Variants in ANKLE1 observed in about 807,000 individuals in gnomAD.
The protein encoded by ANKLE1 is structure-specific endonuclease ANKLE1.
In ANKLE1, 59 loss-of-function variants were observed where a neutral mutation model predicts 56.2. The ratio of observed to expected loss-of-function variants is 1.05; its 90% CI spans 0.85 to 1.30. ANKLE1 has a LOEUF of 1.30. Among genes scored for constraint, ANKLE1 ranks in the 50% most tolerant of loss-of-function variants. The pLI is 0.00. For missense variants in ANKLE1, 771 were observed against 816.1 expected, an observed-to-expected ratio of 0.94 and a Z score of 0.67; for synonymous variants, 341 against 352.9, an observed-to-expected ratio of 0.97 and a Z score of 0.38.
chr19:17,283,144 T>A (rs2073993124), intron 4 of ANKLE1, 81 bp from the exon 5 acceptor site: 2 of 1,551,830 alleles, frequency 1.3e-6, no homozygotes, highest in East Asian at 4.5e-5. Flanking sequence ...GACACTCTGA[T>A]CTCCTTTTTC....
Position 17,286,713 on chromosome 19 carries a change from TAG to T in ANKLE1, c.*162_*163del. ...GTGTTTGTGTGTGTGTGTGTGTGTG[TAG>T]GGAGCACCCAGGCAGATCTCCCCCA... is the stretch of plus-strand genomic sequence containing the variant. On this transcript the variant is annotated 3_prime_UTR_variant, in exon 9 of 9. Transcript: ENST00000404085. The T allele has an allele frequency of 6.9e-7, 1 of 1,456,494 alleles. No homozygotes were observed. Among genetic ancestry groups the T allele is most frequent in the Non-Finnish European group, 9.1e-7 (1 of 1,103,514 alleles). The allele number at this position is 1,456,494 out of a possible 1,614,324, so 90.2% of individuals were successfully genotyped here.
chr19:17,284,674 G>T (rs1373273244), intron 6 of ANKLE1, among the ~76,000 whole-genome samples: 1 of 141,372 alleles, frequency 7.1e-6, no homozygotes, highest in African/African-American at 2.6e-5. Flanking sequence ...GTGAGCCACC[G>T]CACCGGCCTC....
At position 17,282,201 on chromosome 19, in the gene ANKLE1, C is replaced by T; in HGVS notation, c.207C>T (p.Pro69=). The T allele has an allele frequency of 6.6e-7, 1 of 1,510,600 alleles. No individual in the cohort carries two copies. The highest frequency in any genetic ancestry group is 8.8e-7 in the Non-Finnish European group (1 of 1,133,542). The allele number at this position is 1,510,600 out of a possible 1,614,324, so 93.6% of individuals were successfully genotyped here. A position where few individuals can be genotyped will look rare whatever the true frequency, so the allele number is the denominator to read the frequency against. Residue 69 remains proline (P), a synonymous_variant, in exon 2 of 9, where the codon CCC becomes CCT. Coordinates refer to ENST00000404085, the MANE Select transcript of ANKLE1 (RefSeq NM_152363.6). ...LGALLRQGGD[P]NARSVEALTP... ...CCCTACTGCGCCAAGGCGGGGACCC[C>T]AACGCTCGGTAAGATAGAGCCTGGG...
Position 17,282,986 on chromosome 19 carries a change from C to A in ANKLE1, c.444C>A (p.Pro148=), listed in dbSNP as rs750981620. The A allele has an allele frequency of 6.4e-7, 1 of 1,562,202 alleles. No individual in the cohort carries two copies. Among genetic ancestry groups the A allele is most frequent in the East Asian group, 2.3e-5 (1 of 42,592 alleles). Residue 148 remains proline (P), a synonymous_variant, in exon 4 of 9, where the codon CCC becomes CCA. Coordinates refer to ENST00000404085, the MANE Select transcript of ANKLE1 (RefSeq NM_152363.6). ...RTRIGAETQE[P]EPAPGTPGLS... Reference sequence around the variant, plus strand: ...GGATCGGGGCAGAGACTCAGGAGCCCGAGCCTGCACCTGGCAGTGAGTAGG... The same window carrying A: ...GGATCGGGGCAGAGACTCAGGAGCCAGAGCCTGCACCTGGCAGTGAGTAGG...
rs1255235604 is a variant in ANKLE1, at chr19:17,282,874, G to A, written c.332G>A (p.Arg111Gln). 8.2e-6 allele frequency: 13 copies of A among 1,584,152 alleles called. No homozygotes were observed. The highest frequency in any genetic ancestry group is 1.3e-5 in the African/African-American group (1 of 74,616). ...ACCGCGCCCCTGTAGGACGGACTCC[G>A]GCCGCTGGACCTGGCCCTGCAGCAG... ...DPALRDQDGL[R>Q]PLDLALQQGH... Residue 111 changes from arginine to glutamine, a missense_variant, in exon 4 of 9, where the codon CGG becomes CAG. Arg to Gln is a conservative substitution (Grantham distance 43). Transcript: ENST00000404085.
chr19:17,285,962 T>G (rs754086777), intron 8 of ANKLE1, 143 bp downstream of exon 8: 28 of 1,175,452 alleles, frequency 2.4e-5, no homozygotes, highest in Non-Finnish European at 1.5e-5. Context: ...TGCATGTATT[T>G]TGCTCCATTG....
At chr19:17,285,327 C>A in intron 6 of ANKLE1, 104 bp from the exon 7 acceptor site, 2 of 1,361,128 alleles carry the variant, frequency 1.5e-6, no homozygotes, top group Non-Finnish European at 2.0e-6. Context: ...ATCCTGTAAT[C>A]AGGAGTCACT....
chr19:17,286,682 GTGTGTGTGTT>G lies in ANKLE1; in HGVS notation c.*140_*149del, dbSNP rs748752438. 4,509 of 950,400 alleles carry G rather than the reference GTGTGTGTGTT, an allele frequency of 4.7e-3. 26 individuals carry two copies. In the East Asian group the frequency reaches 0.056, roughly 12 times the overall value. The allele number at this position is 950,400 out of a possible 1,614,324, so 58.9% of individuals were successfully genotyped here. A position where few individuals can be genotyped will look rare whatever the true frequency, so the allele number is the denominator to read the frequency against. ...TGTGTGTGTGTGTGTGTGTGTGTGT[GTGTGTGTGTT>G]TGTGTGTGTGTGTGTGTGTGTAGGG... On this transcript the variant is annotated 3_prime_UTR_variant, in exon 9 of 9. Transcript: ENST00000404085.
chr19:17,283,149 T>C, intron 4 of ANKLE1, 76 bp from the exon 5 acceptor site: 2 of 1,553,280 alleles, frequency 1.3e-6, no homozygotes, highest in Admixed American at 1.9e-5. Context: ...TCTGATCTCC[T>C]TTTTCTGTTT....
At chr19:17,285,623 C>G (rs2074023035) in intron 7 of ANKLE1, 33 bp downstream of exon 7, 2 of 1,613,894 alleles carry the variant, frequency 1.2e-6, no homozygotes, top group Non-Finnish European at 1.7e-6. Flanking sequence ...TCAGCGAGGG[C>G]AGTCGGGCCA....
chr19:17,282,349 T>TCCAAG (rs1262512422), intron 2 of ANKLE1, 140 bp downstream of exon 2: 1 of 1,273,738 alleles, frequency 7.9e-7, no homozygotes, highest in African/African-American at 1.5e-5. Flanking sequence ...AACTTGGGGG[T>TCCAAG]CCAAGGGCAG....
Position 17,281,952 on chromosome 19 carries a change from T to A in ANKLE1, c.32T>A (p.Leu11Ter). The change falls in exon 1 of 9, where the codon TTG becomes TAG. Residue 11 changes from leucine (L) to a stop codon, truncating the protein, a stop_gained. Transcript: ENST00000404085. LOFTEE classifies it high-confidence loss of function. ...TCGGAGGCCCGCCTGGCTCGCAGGT[T>A]GCGGGATGCGCTGCGGGAGGAGGAG... MCSEARLARR[L>*]RDALREEEPW... 1 of 1,534,106 alleles carries A rather than the reference T, an allele frequency of 6.5e-7. No homozygotes were observed. The highest frequency in any genetic ancestry group is 1.2e-5 in the South Asian group (1 of 83,886).
In ANKLE1 at chr19:17,281,909, C is replaced by G. The variant is rs1289509535; in HGVS notation, c.-12C>G. ...GACCGACCAGGCGGTGCGCTTCGGACCCAGCCAGGGCATGTGCTCGGAGGC... is the reference window on the plus strand; with the variant it reads ...GACCGACCAGGCGGTGCGCTTCGGAGCCAGCCAGGGCATGTGCTCGGAGGC... On this transcript the variant is annotated 5_prime_UTR_variant, in exon 1 of 9. Coordinates refer to ENST00000404085, the MANE Select transcript of ANKLE1 (RefSeq NM_152363.6). The G allele has an allele frequency of 2.6e-6, 4 of 1,535,374 alleles. No homozygotes were observed. Among genetic ancestry groups the G allele is most frequent in the South Asian group, 2.4e-5 (2 of 83,982 alleles).
Position 17,285,450 on chromosome 19 carries a change from G to A in ANKLE1, c.1396G>A (p.Ala466Thr). ...LDPRETQDLPARAFSLTPAER... is the reference protein window; with the variant it reads ...LDPRETQDLPTRAFSLTPAER... ...ATCCAGGGAGACTCAGGACCTGCCAGCCCGAGCCTTCTCACTGACCCCAGC... is the reference window on the plus strand; with the variant it reads ...ATCCAGGGAGACTCAGGACCTGCCAACCCGAGCCTTCTCACTGACCCCAGC... The change falls in exon 7 of 9, where the codon GCC (alanine) becomes ACC (threonine). Residue 466 changes from alanine (A) to threonine (T), a missense_variant. Ala to Thr is a moderately conservative substitution (Grantham distance 58). Coordinates refer to ENST00000404085, the MANE Select transcript of ANKLE1 (RefSeq NM_152363.6). The A allele has an allele frequency of 1.2e-6, 2 of 1,613,758 alleles. No individual in the cohort carries two copies. Among genetic ancestry groups the A allele is most frequent in the Non-Finnish European group, 1.7e-6 (2 of 1,179,866 alleles).
In ANKLE1 at chr19:17,282,029, G is replaced by C. The variant is rs1243453033; in HGVS notation, c.63-28G>C. 2.6e-6 allele frequency: 4 copies of C among 1,536,908 alleles called. No individual in the cohort carries two copies. In the Admixed American group the frequency reaches 5.9e-5, roughly 23 times the overall value. On this transcript the variant is annotated intron_variant, in intron 1 of 8. Coordinates refer to ENST00000404085, the MANE Select transcript of ANKLE1 (RefSeq NM_152363.6). ...GGCCAGGAGTGGGGGTCTTTGGCCG[G>C]GGTCCACTCTGACCGCGGTGTTTGC...
chr19:17,283,074 C>T, intron 4 of ANKLE1, 72 bp downstream of exon 4: 1 of 1,536,308 alleles, frequency 6.5e-7, no homozygotes, highest in African/African-American at 1.4e-5. Context: ...TCTTCCCCAC[C>T]CCACCCATTG....
Position 17,286,789 on chromosome 19 carries a change from G to C in ANKLE1, c.*237G>C, listed in dbSNP as rs780181227. On this transcript the variant is annotated 3_prime_UTR_variant, in exon 9 of 9. Transcript: ENST00000404085. ...GATGGTACTGCTGGAGAGGTAGTAA[G>C]TAGTGAGCTCCCCATCGTGGGAGGA... is the stretch of plus-strand genomic sequence containing the variant. 2.9e-6 allele frequency: 4 copies of C among 1,380,464 alleles called. No individual in the cohort carries two copies. The highest frequency in any genetic ancestry group is 3.8e-6 in the Non-Finnish European group (4 of 1,062,918). The allele number at this position is 1,380,464 out of a possible 1,614,324, so 85.5% of individuals were successfully genotyped here.
Position 17,281,986 on chromosome 19 carries a change from AGGGCGGGGCCGG to A in ANKLE1, c.62+12_62+23del. On this transcript the variant is annotated splice_donor_5th_base_variant and intron_variant, in intron 1 of 8. Coordinates refer to ENST00000404085, the MANE Select transcript of ANKLE1 (RefSeq NM_152363.6). ...CGCTGCGGGAGGAGGAGCCGTGGTG[AGGGCGGGGCCGG>A]GGGCGGGCCAGGAGTGGGGGTCTTT... 6.5e-7 allele frequency: 1 copy of A among 1,533,498 alleles called. No individual in the cohort carries two copies. The highest frequency in any genetic ancestry group is 8.7e-7 in the Non-Finnish European group (1 of 1,145,144). 95.0% of individuals were successfully genotyped at this position (1,533,498 alleles called of 1,614,324 possible).
chr19:17,282,041 A>T lies in ANKLE1; in HGVS notation c.63-16A>T. 6.5e-7 allele frequency: 1 copy of T among 1,537,546 alleles called. No individual in the cohort carries two copies. Among genetic ancestry groups the T allele is most frequent in the Non-Finnish European group, 8.7e-7 (1 of 1,146,546 alleles). ...GGGTCTTTGGCCGGGGTCCACTCTG[A>T]CCGCGGTGTTTGCAGGGCAGTAGAG... On this transcript the variant is annotated splice_polypyrimidine_tract_variant and intron_variant, in intron 1 of 8. Transcript: ENST00000404085.
Sources: gnomAD v4.1 joint callset for allele counts (sites outside exome capture counted in the v4.1 genomes callset) on GRCh38, gnomAD v4.1.1 for gene constraint, MANE v1.5 for transcripts, NCBI Gene and HGNC (gene_info 2026-07-23, HGNC 2026-07-21) for gene names.